Variants in ATAD2B observed in about 807,000 individuals in gnomAD.
ATAD2B encodes ATPase family AAA domain containing 2B, also known as ATPase family AAA domain-containing protein 2B.
ATAD2B carries 40 observed loss-of-function variants against 167.6 expected under a neutral mutation model. The ratio of observed to expected loss-of-function variants is 0.24; its 90% CI spans 0.19 to 0.31. ATAD2B has a LOEUF of 0.31. Among genes scored for constraint, ATAD2B ranks in the 10% least tolerant of loss-of-function variants. The probability of loss-of-function intolerance (pLI) is 1.00; values close to 1 mark genes in which losing one functional copy is unlikely to be tolerated. For missense variants in ATAD2B, 1,242 were observed against 1,757.2 expected, an observed-to-expected ratio of 0.71 and a Z score of 5.24; for synonymous variants, 579 against 596.5, an observed-to-expected ratio of 0.97 and a Z score of 0.43.
intron 17 of ATAD2B, among the ~76,000 whole-genome samples, chr2:23,812,901 T>A: frequency 6.6e-6 from 1 of 151,764 alleles, no homozygotes; most frequent in Non-Finnish European, 1.5e-5. Context: ...CATGTTTTAG[T>A]AACAAGCACT....
At chr2:23,923,009 A>G (rs898334790) in intron 1 of ATAD2B, among the ~76,000 whole-genome samples, 1 of 152,208 alleles carries the variant, frequency 6.6e-6, no homozygotes, top group Admixed American at 6.5e-5. Flanking sequence ...ACTTCTGGGT[A>G]TTTATCCAAA....
intron 1 of ATAD2B, among the ~76,000 whole-genome samples, chr2:23,903,945 G>T (rs74496900): frequency 0.037 from 5,264 of 142,232 alleles, 143 homozygotes; most frequent in African/African-American, 0.075. Flanking sequence ...GTTGTTGGTG[G>T]TGGTGGTGGT....
chr2:23,872,709 C>G, intron 8 of ATAD2B: 1 of 1,214,222 alleles, frequency 8.2e-7, no homozygotes, highest in Non-Finnish European at 1.2e-6. Context: ...GCAGTTTCTG[C>G]TTTACTGAGA....
intron 18 of ATAD2B, among the ~76,000 whole-genome samples, chr2:23,803,492 T>C (rs1302336095): frequency 6.6e-6 from 1 of 152,238 alleles, no homozygotes; most frequent in Non-Finnish European, 1.5e-5. Context: ...CATTCCAAAT[T>C]GAGTGAATCA....
intron 19 of ATAD2B, among the ~76,000 whole-genome samples, chr2:23,797,072 T>C (rs924907061): frequency 6.6e-6 from 1 of 152,118 alleles, no homozygotes; most frequent in Non-Finnish European, 1.5e-5. Flanking sequence ...AGCAGTAAAG[T>C]ATACAAATCT....
rs934415681 is a variant in ATAD2B, at chr2:23,888,534, G to C, written c.369-135C>G. 12 of 574,822 alleles carry C rather than the reference G, an allele frequency of 2.1e-5. No homozygotes were observed. In the African/African-American group the frequency reaches 2.4e-4, roughly 11 times the overall value. 35.6% of individuals were successfully genotyped at this position (574,822 alleles called of 1,614,324 possible). A position where few individuals can be genotyped will look rare whatever the true frequency, so the allele number is the denominator to read the frequency against. ...AGATAACTTTTTTTACTGTAAGATT[G>C]GTAATATGTCAATTAATAAAATATA... On this transcript the variant is annotated intron_variant, in intron 2 of 27. Transcript: ENST00000238789.
chr2:23,915,695 G>T (rs554542551), intron 1 of ATAD2B, among the ~76,000 whole-genome samples: 1 of 143,820 alleles, frequency 7.0e-6, no homozygotes, highest in African/African-American at 2.6e-5. Flanking sequence ...GGGTTCAAGC[G>T]ATTCCCCTGC....
chr2:23,888,667 C>CAAATATACAAAAAAAAGTATATA (rs1699039561), intron 2 of ATAD2B, among the ~76,000 whole-genome samples: 1 of 152,056 alleles, frequency 6.6e-6, no homozygotes. Flanking sequence ...AAAAAAAAGG[C>CAAATATACAAAAAAAAGTATATA]TTAAGCTTAA....
chr2:23,920,350 A>G (rs949550288), intron 1 of ATAD2B, among the ~76,000 whole-genome samples: 2 of 152,342 alleles, frequency 1.3e-5, no homozygotes, highest in Middle Eastern at 3.4e-3. Flanking sequence ...CCTACTTTGA[A>G]CCAATTTACC....
At chr2:23,680,887 T>C in the ATAD2B span, among the ~76,000 whole-genome samples, 1,723 of 152,244 alleles carry the variant, frequency 0.011, 20 homozygotes, top group Middle Eastern at 0.031. The surrounding 1 kb of genome is among the most constrained non-coding windows in gnomAD (Gnocchi z 4.1). Flanking sequence ...CTTCTGGAAG[T>C]CCACTCTGAA....
At chr2:23,888,067 TAA>T (rs1698953277) in intron 3 of ATAD2B, 82 bp from the exon 4 acceptor site, 2 of 1,197,938 alleles carry the variant, frequency 1.7e-6, no homozygotes, top group Non-Finnish European at 2.2e-6. Context: ...AAATTACTTT[TAA>T]AAGACTACAA....
At chr2:23,852,676 C>T (rs2675359) in intron 13 of ATAD2B, among the ~76,000 whole-genome samples, 109,366 of 152,006 alleles carry the variant, frequency 0.72, 39,966 homozygotes, top group East Asian at 0.85. Flanking sequence ...CCCAGCACTT[C>T]GGGAGGCCGA....
Position 23,895,847 on chromosome 2 carries a change from C to T in ATAD2B, c.340G>A (p.Glu114Lys), listed in dbSNP as rs771031770. ...GCCTGTCCAGTTGATAAGTTCCATT[C>T]CTCTCGCTGACCAGTACTTCGTGAT... Reference protein sequence around the residue: ...SKSRSTGQREEWNLSTGQARL... With the variant: ...SKSRSTGQREKWNLSTGQARL... The change falls in exon 2 of 28, where the codon GAA (glutamate) becomes AAA (lysine). Residue 114 changes from glutamate (E) to lysine (K), a missense_variant. By Grantham distance (56) the Glu-to-Lys change is moderately conservative. Around this residue, in one of 9 missense-constraint regions of ATAD2B, gnomAD observed 199 missense variants for 194.9 expected, o/e 1.02. Coordinates refer to ENST00000238789, the MANE Select transcript of ATAD2B (RefSeq NM_017552.4). 6.2e-7 allele frequency: 1 copy of T among 1,612,130 alleles called. No homozygotes were observed. The highest frequency in any genetic ancestry group is 1.7e-5 in the Admixed American group (1 of 59,890).
chr2:23,734,977 G>A, the ATAD2B span, among the ~76,000 whole-genome samples: 3,170 of 152,244 alleles, frequency 0.021, 114 homozygotes, highest in African/African-American at 0.073. Context: ...TTGGCAAATG[G>A]TAGGTAGTTA....
At chr2:23,759,591 T>C (rs1003166152) in intron 24 of ATAD2B, among the ~76,000 whole-genome samples, 6 of 152,182 alleles carry the variant, frequency 3.9e-5, no homozygotes, top group Admixed American at 2.6e-4. Flanking sequence ...AGAATATATC[T>C]CCTAAAGGTT....
intron 24 of ATAD2B, among the ~76,000 whole-genome samples, chr2:23,760,721 C>T (rs1676595387): frequency 2.8e-5 from 4 of 142,838 alleles, no homozygotes; most frequent in African/African-American, 1.0e-4. Context: ...CACACACACA[C>T]ACACACACAT....
intron 21 of ATAD2B, among the ~76,000 whole-genome samples, chr2:23,784,824 G>C (rs1366577748): frequency 6.6e-6 from 1 of 151,966 alleles, no homozygotes; most frequent in East Asian, 1.9e-4. Context: ...AATTTAAAAA[G>C]CCAATTAGGC....
rs1675207979 is a variant in ATAD2B at position 23,750,245 on chromosome 2, A to C, written c.*1801T>G. On this transcript the variant is annotated 3_prime_UTR_variant, in exon 28 of 28. Transcript: ENST00000238789. ...AATACAGTGTGTCTACATGGGTAGC[A>C]TCTTGACTTGTATGACTAACTGGAT... 1 of 152,126 alleles carries C rather than the reference A, an allele frequency of 6.6e-6. No individual in the cohort carries two copies. 9.4% of individuals were successfully genotyped at this position (152,126 alleles called of 1,614,324 possible).
At position 23,769,711 on chromosome 2, in the gene ATAD2B, G is replaced by GATTTTTTTTTTTTTTTTTTTTT. The variant is rs199842019; in HGVS notation, c.3134-4084_3134-4083insAAAAAAAAAAAAAAAAAAAAAT. Among the ~76,000 whole-genome samples, 3 of 129,836 alleles carry GATTTTTTTTTTTTTTTTTTTTT rather than the reference G, an allele frequency of 2.3e-5. 1 individual carries two copies. Among genetic ancestry groups the GATTTTTTTTTTTTTTTTTTTTT allele is most frequent in the Non-Finnish European group, 5.0e-5 (3 of 60,084 alleles). 85.2% of individuals were successfully genotyped at this position (129,836 alleles called of 152,430 possible). The stretch of plus-strand genomic sequence containing the variant: ...AAGTGTTTAATGGTGTCTCACTGTG[G>GATTTTTTTTTTTTTTTTTTTTT]GTTTTTTTTTTTTTTTTTTTTTGAG... On this transcript the variant is annotated intron_variant, in intron 22 of 27. Coordinates refer to ENST00000238789, the MANE Select transcript of ATAD2B (RefSeq NM_017552.4).
Sources: allele counts gnomAD v4.1 joint callset (sites outside exome capture counted in the v4.1 genomes callset), GRCh38; gene constraint gnomAD v4.1.1; regional missense constraint gnomAD v4.1.1; non-coding constraint Gnocchi (gnomAD v3.1); transcripts MANE v1.5; gene names NCBI Gene and HGNC (gene_info 2026-07-23, HGNC 2026-07-21).